The following ANO10 variants were observed in gnomAD, a reference collection of about 807,000 sequenced individuals.
ANO10 encodes anoctamin-10.
In ANO10, 77 loss-of-function variants were observed where a neutral mutation model predicts 74.7. The ratio of observed to expected loss-of-function variants is 1.03; its 90% confidence interval spans 0.86 to 1.25. The LOEUF (loss-of-function observed/expected upper bound fraction) is 1.25. Among genes scored for constraint, ANO10 ranks in the 50% most tolerant of loss-of-function variants. The pLI, the probability that ANO10 is intolerant of heterozygous loss-of-function variation, is 0.00. For synonymous variants in ANO10, 279 were observed against 284.9 expected (o/e 0.98, Z 0.21); for missense variants, 721 against 778.1 (o/e 0.93, Z 0.87).
intron 11 of ANO10, among the ~76,000 whole-genome samples, chr3:43,503,689 T>C (rs1467259135): frequency 6.6e-6 from 1 of 152,160 alleles, no homozygotes; most frequent in East Asian, 1.9e-4. Flanking sequence ...CCAAATAAAA[T>C]AGTTTCAAAC....
chr3:43,634,472 T>C (rs1241838559), intron 1 of ANO10, among the ~76,000 whole-genome samples: 3 of 152,192 alleles, frequency 2.0e-5, no homozygotes, highest in Non-Finnish European at 4.4e-5. Flanking sequence ...ACTACTTATA[T>C]ATAAATGTTA....
intron 11 of ANO10, among the ~76,000 whole-genome samples, chr3:43,444,515 A>G: frequency 6.6e-6 from 1 of 152,264 alleles, no homozygotes; most frequent in East Asian, 1.9e-4. Flanking sequence ...CTACAAAGCA[A>G]AGTGATATCT....
intron 11 of ANO10, among the ~76,000 whole-genome samples, chr3:43,459,646 C>A (rs1032795332): frequency 2.6e-5 from 4 of 152,178 alleles, no homozygotes; most frequent in Non-Finnish European, 4.4e-5. Flanking sequence ...TGGCCCAGAG[C>A]TAGTGAGTGC....
intron 12 of ANO10, among the ~76,000 whole-genome samples, chr3:43,430,804 T>C (rs566987783): frequency 1.1e-3 from 166 of 152,226 alleles, no homozygotes; most frequent in Non-Finnish European, 1.9e-3. Context: ...TGAATTGGTA[T>C]TGGATATTTA....
intron 11 of ANO10, among the ~76,000 whole-genome samples, chr3:43,506,430 C>T (rs541611263): frequency 6.6e-6 from 1 of 152,302 alleles, no homozygotes; most frequent in African/African-American, 2.4e-5. Flanking sequence ...TGCTCATATC[C>T]TGTGCATTTT....
At chr3:43,453,461 G>A (rs557044394) in intron 11 of ANO10, among the ~76,000 whole-genome samples, 1 of 152,296 alleles carries the variant, frequency 6.6e-6, no homozygotes, top group South Asian at 2.1e-4. Context: ...TTACAGGCAT[G>A]AGCCACCGCA....
intron 1 of ANO10, among the ~76,000 whole-genome samples, chr3:43,632,046 C>T (rs1290883531): frequency 6.7e-6 from 1 of 148,882 alleles, no homozygotes; most frequent in Non-Finnish European, 1.5e-5. Context: ...GCAGTGCAGC[C>T]TCGGTGACAG....
intron 1 of ANO10, among the ~76,000 whole-genome samples, chr3:43,663,391 C>T (rs1208775793): frequency 6.6e-6 from 1 of 152,148 alleles, no homozygotes; most frequent in Non-Finnish European, 1.5e-5. Flanking sequence ...GAACATATCT[C>T]AACATAATAA....
intron 1 of ANO10, among the ~76,000 whole-genome samples, chr3:43,667,100 T>C (rs2084002084): frequency 1.0e-5 from 1 of 99,338 alleles, no homozygotes; most frequent in African/African-American, 3.6e-5. Context: ...TTTTTTTTTG[T>C]CTTTTCTTGA....
chr3:43,438,939 A>G (rs752653405), intron 11 of ANO10, among the ~76,000 whole-genome samples: 5 of 152,158 alleles, frequency 3.3e-5, no homozygotes, highest in Non-Finnish European at 5.9e-5. Flanking sequence ...AGAGTTCCAG[A>G]GGAGAAGAGA....
chr3:43,380,863 C>T (rs751678613), intron 12 of ANO10, among the ~76,000 whole-genome samples: 3 of 152,076 alleles, frequency 2.0e-5, no homozygotes, highest in African/African-American at 4.8e-5. Context: ...TGTATTAATC[C>T]GTTCTCACGC....
intron 10 of ANO10, among the ~76,000 whole-genome samples, chr3:43,552,724 A>G (rs867154725): frequency 4.9e-5 from 5 of 102,970 alleles, no homozygotes; most frequent in South Asian, 3.0e-4. Flanking sequence ...ATATATATAT[A>G]TATATGTATG....
intron 1 of ANO10, among the ~76,000 whole-genome samples, chr3:43,666,027 A>G (rs2083987692): frequency 6.6e-6 from 1 of 152,216 alleles, no homozygotes; most frequent in South Asian, 2.1e-4. Context: ...ATATTAATGT[A>G]ATTTTAAGTC....
intron 11 of ANO10, among the ~76,000 whole-genome samples, chr3:43,462,458 T>G (rs2075420765): frequency 6.6e-6 from 1 of 152,156 alleles, no homozygotes; most frequent in African/African-American, 2.4e-5. Context: ...CTCGAACTCC[T>G]GACCTCAGGT....
At chr3:43,516,754 T>A (rs867210694) in intron 11 of ANO10, among the ~76,000 whole-genome samples, 4 of 152,108 alleles carry the variant, frequency 2.6e-5, no homozygotes, top group African/African-American at 7.2e-5. Context: ...AATAAGCAGG[T>A]GGGAGAGAAA....
intron 7 of ANO10, among the ~76,000 whole-genome samples, chr3:43,568,595 T>G (rs1247444344): frequency 6.8e-5 from 10 of 147,858 alleles, no homozygotes; most frequent in Non-Finnish European, 6.0e-5. Context: ...ACTGGGTACA[T>G]AACGAAATGA....
At chr3:43,456,827 G>C (rs1487355396) in intron 11 of ANO10, among the ~76,000 whole-genome samples, 1 of 152,190 alleles carries the variant, frequency 6.6e-6, no homozygotes, top group Non-Finnish European at 1.5e-5. Flanking sequence ...TGAGGCGGTA[G>C]TGGTCATGGG....
intron 11 of ANO10, among the ~76,000 whole-genome samples, chr3:43,544,313 A>G (rs555825117): frequency 3.9e-4 from 60 of 152,242 alleles, no homozygotes; most frequent in African/African-American, 1.3e-3. Context: ...TCTCTGGTTC[A>G]GTCTACAAAA....
At chr3:43,485,284 C>A in intron 11 of ANO10, 1 of 592,460 alleles carries the variant, frequency 1.7e-6, no homozygotes, top group South Asian at 1.8e-5. Flanking sequence ...CCTTTGCCAC[C>A]GTCGCAGACC....
Sources: gnomAD v4.1 joint callset for allele counts (sites outside exome capture counted in the v4.1 genomes callset) on GRCh38, gnomAD v4.1.1 for gene constraint, MANE v1.5 for transcripts, NCBI Gene and HGNC (gene_info 2026-07-23, HGNC 2026-07-21) for gene names.